The following PYGL variants were observed in gnomAD, a reference collection of about 807,000 sequenced individuals.
PYGL encodes the protein glycogen phosphorylase L.
In PYGL, 90 loss-of-function variants were observed where a neutral mutation model predicts 100.1. That is an observed-to-expected ratio of 0.90 (90% CI 0.76 to 1.07). The LOEUF (loss-of-function observed/expected upper bound fraction) is 1.07. Ranked by LOEUF, PYGL falls within the 50% of genes least tolerant of loss-of-function variation. PYGL has a pLI of 0.00. For synonymous variants in PYGL, 373 were observed against 393.0 expected (o/e 0.95, Z 0.60); for missense variants, 1,016 against 1,057.6 (o/e 0.96, Z 0.55).
At position 50,907,087 on chromosome 14, in the gene PYGL, C is replaced by T. The variant is rs187544623; in HGVS notation, c.2379+1184G>A. Reference sequence around the variant, plus strand: ...GAAATTCACTAAAAGTCTCTCCTATCAGAGATGATCAACCTTTTTACATAT... The same window carrying T: ...GAAATTCACTAAAAGTCTCTCCTATTAGAGATGATCAACCTTTTTACATAT... On this transcript the variant is annotated intron_variant, in intron 19 of 19. Transcript: ENST00000216392. Among the ~76,000 whole-genome samples, 7 of 152,272 alleles carry T rather than the reference C, an allele frequency of 4.6e-5. No individual in the cohort carries two copies. In the East Asian group the frequency reaches 1.4e-3, roughly 29 times the overall value.
rs1306416597 is a variant in PYGL at position 50,905,260 on chromosome 14, A to G, written c.*132T>C. On this transcript the variant is annotated 3_prime_UTR_variant, in exon 20 of 20. Coordinates refer to ENST00000216392, the MANE Select transcript of PYGL (RefSeq NM_002863.5). The stretch of plus-strand genomic sequence containing the variant: ...ACTTTATTTTTAAGCTCTATTACAT[A>G]TAATTTCCCTCCCCATTCCCAGAGA... The G allele has an allele frequency of 3.1e-6, 3 of 955,382 alleles. No individual in the cohort carries two copies. Among genetic ancestry groups the G allele is most frequent in the Non-Finnish European group, 4.8e-6 (3 of 622,942 alleles). The allele number at this position is 955,382 out of a possible 1,614,324, so 59.2% of individuals were successfully genotyped here.
chr14:50,922,026 T>C (rs1052211658), intron 5 of PYGL, among the ~76,000 whole-genome samples: 5 of 152,234 alleles, frequency 3.3e-5, no homozygotes, highest in East Asian at 3.8e-4. Flanking sequence ...TTGATCTTTG[T>C]GACAGTCACT....
At chr14:50,941,582 A>G (rs1345706221) in intron 1 of PYGL, among the ~76,000 whole-genome samples, 1 of 152,222 alleles carries the variant, frequency 6.6e-6, no homozygotes, top group Admixed American at 6.5e-5. Context: ...CAATGGCATG[A>G]AAACAAAAAA....
intron 19 of PYGL, 40 bp downstream of exon 19, chr14:50,908,231 G>T (rs747596605): frequency 2.0e-6 from 3 of 1,494,724 alleles, no homozygotes; most frequent in Non-Finnish European, 2.8e-6. Flanking sequence ...ATGAATCATA[G>T]TAAACTGGTT....
chr14:50,939,278 C>T (rs1461582041), intron 1 of PYGL, among the ~76,000 whole-genome samples: 1 of 152,234 alleles, frequency 6.6e-6, no homozygotes, highest in African/African-American at 2.4e-5. Flanking sequence ...CTCAGGTGAT[C>T]TGCCTGCCTT....
rs541279169 is a variant in PYGL, at chr14:50,916,752, T to C, written c.1000-18A>G. 205 of 1,608,206 alleles carry C rather than the reference T, an allele frequency of 1.3e-4. 4 individuals carry two copies. The South Asian group carries it at 2.2e-3, about 17-fold the overall frequency. On this transcript the variant is annotated intron_variant, in intron 8 of 19. Coordinates refer to ENST00000216392, the MANE Select transcript of PYGL (RefSeq NM_002863.5). ...ATGGCCACCTGGGTGGGGAAAGACA[T>C]CAACATGAAGGCAACGGATGGCTCA...
chr14:50,939,323 C>T (rs969362477), intron 1 of PYGL, among the ~76,000 whole-genome samples: 2 of 152,226 alleles, frequency 1.3e-5, no homozygotes, highest in Non-Finnish European at 2.9e-5. Context: ...AGGCGTGAGC[C>T]AAGCGCCCGG....
At chr14:50,943,713 C>T (rs2050721098) in intron 1 of PYGL, among the ~76,000 whole-genome samples, 1 of 152,244 alleles carries the variant, frequency 6.6e-6, no homozygotes, top group Admixed American at 6.5e-5. Context: ...CCCAAAATAC[C>T]AAGCTCCAGC....
Position 50,928,994 on chromosome 14 carries a change from G to A in PYGL, c.528+2679C>T, listed in dbSNP as rs2050579741. Among the ~76,000 whole-genome samples, 5 of 152,128 alleles carry A rather than the reference G, an allele frequency of 3.3e-5. No homozygotes were observed. The South Asian group carries it at 1.0e-3, about 32-fold the overall frequency. ...TCAATTTCAAGTCATAATGAAAGAA[G>A]TGATGATGGTTGATAAGGTTAGCTT... is the stretch of plus-strand genomic sequence containing the variant. On this transcript the variant is annotated intron_variant, in intron 4 of 19. Coordinates refer to ENST00000216392, the MANE Select transcript of PYGL (RefSeq NM_002863.5).
In PYGL at chr14:50,923,969, T is replaced by C. The variant is rs1596042653; in HGVS notation, c.660A>G (p.Gln220=). Residue 220 remains glutamine, a splice_region_variant and synonymous_variant, in exon 5 of 20, where the codon CAA becomes CAG. Transcript: ENST00000216392. ...CTGGCTATACGAGCACTCTGAATAC[T>C]TGAGTGTCAATCCACTTGGTCCCGG... ...TNTGTKWIDT[Q]VVLALPYDTP... is the part of the protein sequence containing the mutation. 1.1e-5 allele frequency: 17 copies of C among 1,613,720 alleles called. No homozygotes were observed. Among genetic ancestry groups the C allele is most frequent in the Non-Finnish European group, 1.4e-5 (17 of 1,179,606 alleles).
In PYGL at chr14:50,944,332, G is replaced by A. The variant is rs1375868904; in HGVS notation, c.72C>T (p.Asn24=). The A allele has an allele frequency of 1.2e-6, 2 of 1,613,934 alleles. No homozygotes were observed. Among genetic ancestry groups the A allele is most frequent in the Non-Finnish European group, 1.7e-6 (2 of 1,179,878 alleles). ...ISIRGIVGVE[N]VAELKKSFNR... is the part of the protein sequence containing the mutation. The stretch of plus-strand genomic sequence containing the variant: ...TGAAACTCTTCTTCAGCTCTGCCAC[G>A]TTCTCCACGCCCACGATGCCGCGGA... The change falls in exon 1 of 20, where the codon AAC becomes AAT. Residue 24 remains asparagine (N), a synonymous_variant. Coordinates refer to ENST00000216392, the MANE Select transcript of PYGL (RefSeq NM_002863.5).
intron 19 of PYGL, among the ~76,000 whole-genome samples, chr14:50,906,152 A>G (rs931695507): frequency 1.3e-5 from 2 of 152,252 alleles, no homozygotes; most frequent in Non-Finnish European, 2.9e-5. Context: ...CCTTAATAAA[A>G]ATATATCAAA....
intron 10 of PYGL, 31 bp from the exon 11 acceptor site, chr14:50,915,530 T>G: frequency 6.2e-7 from 1 of 1,613,330 alleles, no homozygotes; most frequent in South Asian, 1.1e-5. Context: ...CCCTTGCTGG[T>G]CACTCAGGTT....
chr14:50,908,244 C>T, intron 19 of PYGL, 27 bp downstream of exon 19: 3 of 1,535,070 alleles, frequency 2.0e-6, no homozygotes, highest in Non-Finnish European at 2.7e-6. Flanking sequence ...AACTGGTTTT[C>T]TTTATAAATC....
intron 4 of PYGL, 68 bp downstream of exon 4, chr14:50,931,605 T>C (rs565844604): frequency 3.6e-6 from 5 of 1,399,706 alleles, no homozygotes; most frequent in African/African-American, 1.4e-5. Flanking sequence ...CCATATATTA[T>C]AAATCATCCA....
intron 12 of PYGL, 99 bp from the exon 13 acceptor site, chr14:50,913,229 G>A: frequency 4.5e-6 from 4 of 897,162 alleles, no homozygotes; most frequent in Non-Finnish European, 7.2e-6. Flanking sequence ...CTACCACAGT[G>A]TAGTTCACGT....
chr14:50,943,184 CTTTCCAATATGTCTCTACCTGGCT>C (rs1188884252), intron 1 of PYGL, among the ~76,000 whole-genome samples: 1 of 151,990 alleles, frequency 6.6e-6, no homozygotes, highest in African/African-American at 2.4e-5. Context: ...ATCTTTTATT[CTTTCCAATATGTCTCTACCTGGCT>C]TCTCCAGTTT....
chr14:50,912,010 A>T lies in PYGL; in HGVS notation c.1795T>A (p.Phe599Ile). The change falls in exon 15 of 20, where the codon TTC (phenylalanine) becomes ATC (isoleucine). Residue 599 changes from phenylalanine (F) to isoleucine (I), a missense_variant. Phe to Ile is a conservative substitution (Grantham distance 21). Coordinates refer to ENST00000216392, the MANE Select transcript of PYGL (RefSeq NM_002863.5). ...NRIKKDPKKL[F>I]VPRTVIIGGK... ...CCAATGATAACTGTCCTTGGCACGA[A>T]TAACTTCTTAGGGTCTTTCTTAATG... 1 of 1,614,028 alleles carries T rather than the reference A, an allele frequency of 6.2e-7. No individual in the cohort carries two copies. The highest frequency in any genetic ancestry group is 1.3e-5 in the African/African-American group (1 of 75,052).
chr14:50,939,032 AT>A (rs1257451968), intron 1 of PYGL, among the ~76,000 whole-genome samples: 6 of 151,958 alleles, frequency 3.9e-5, no homozygotes, highest in African/African-American at 7.3e-5. Flanking sequence ...TAATTAATTA[AT>A]TTATTTATTT....
Sources: gnomAD v4.1 joint callset for allele counts (sites outside exome capture counted in the v4.1 genomes callset) on GRCh38, gnomAD v4.1.1 for gene constraint, MANE v1.5 for transcripts, NCBI Gene and HGNC (gene_info 2026-07-23, HGNC 2026-07-21) for gene names.